Variants in DPYD observed in about 807,000 individuals in gnomAD.
The protein encoded by DPYD is dihydropyrimidine dehydrogenase.
DPYD carries 109 observed loss-of-function variants against 116.2 expected under a neutral mutation model. The observed-to-expected ratio is 0.94, with a 90% confidence interval of 0.80 to 1.10. The LOEUF is 1.10. Among genes scored for constraint, DPYD ranks in the 50% least tolerant of loss-of-function variants. The pLI is 0.00. For synonymous variants in DPYD, 440 were observed against 432.0 expected (o/e 1.02, Z -0.23); for missense variants, 1,302 against 1,254.5 (o/e 1.04, Z -0.57).
intron 5 of DPYD, among the ~76,000 whole-genome samples, chr1:97,704,063 C>T (rs1352406216): frequency 2.6e-5 from 4 of 152,040 alleles, no homozygotes; most frequent in Non-Finnish European, 5.9e-5. Flanking sequence ...ATAAGTTACA[C>T]TTTCCAACTT....
chr1:97,841,445 A>G (rs555990745), intron 2 of DPYD, among the ~76,000 whole-genome samples: 1 of 152,094 alleles, frequency 6.6e-6, no homozygotes, highest in African/African-American at 2.4e-5. Flanking sequence ...GAAATATTGC[A>G]CTGTACTGCT....
At chr1:97,656,349 C>T (rs893125669) in intron 8 of DPYD, among the ~76,000 whole-genome samples, 31 of 152,266 alleles carry the variant, frequency 2.0e-4, no homozygotes, top group African/African-American at 7.2e-4. Flanking sequence ...AATTCTCAAG[C>T]TACTCAAGAT....
chr1:97,165,799 G>A lies in DPYD; in HGVS notation c.2622+27270C>T, dbSNP rs140532722. 4.0e-3 allele frequency among the ~76,000 whole-genome samples: 611 copies of A among 152,172 alleles called. 8 individuals are homozygous for A. In the Middle Eastern group the frequency reaches 0.061, roughly 15 times the overall value. Reference sequence around the variant, plus strand: ...CTTCACAAAAGAAGACACACATGTGGCCAACAAGTATATGAAAACAAAGCT... The same window carrying A: ...CTTCACAAAAGAAGACACACATGTGACCAACAAGTATATGAAAACAAAGCT... On this transcript the variant is annotated intron_variant, in intron 20 of 22. Coordinates refer to ENST00000370192, the MANE Select transcript of DPYD (RefSeq NM_000110.4).
At position 97,575,165 on chromosome 1, in the gene DPYD, G is replaced by A. The variant is rs992454785; in HGVS notation, c.1129-1195C>T. 5.3e-5 allele frequency among the ~76,000 whole-genome samples: 8 copies of A among 152,150 alleles called. 1 individual carries two copies. Among genetic ancestry groups the A allele is most frequent in the Admixed American group, 4.6e-4 (7 of 15,266 alleles). ...TAACAAATGCCTAAGGTGATGCTATGCTTCTAGTGCACAGATGATACTTTG... is the reference window on the plus strand; with the variant it reads ...TAACAAATGCCTAAGGTGATGCTATACTTCTAGTGCACAGATGATACTTTG... On this transcript the variant is annotated intron_variant, in intron 10 of 22. Transcript: ENST00000370192.
chr1:97,162,583 C>T (rs577974286), intron 20 of DPYD, among the ~76,000 whole-genome samples: 1 of 152,148 alleles, frequency 6.6e-6, no homozygotes, highest in East Asian at 1.9e-4. Context: ...TCAATGCCAT[C>T]CCCATCAAGC....
At chr1:97,224,972 A>T (rs553709403) in intron 19 of DPYD, among the ~76,000 whole-genome samples, 78 of 151,696 alleles carry the variant, frequency 5.1e-4, no homozygotes, top group Non-Finnish European at 1.0e-3. Flanking sequence ...AGAATATGGG[A>T]GTACAGATCT....
intron 20 of DPYD, among the ~76,000 whole-genome samples, chr1:97,174,148 G>T (rs986735522): frequency 6.6e-6 from 1 of 152,044 alleles, no homozygotes; most frequent in African/African-American, 2.4e-5. Context: ...TAGGTAGGAC[G>T]TTAGGGCAAA....
chr1:97,827,269 C>T (rs560105866), intron 3 of DPYD, among the ~76,000 whole-genome samples: 3 of 151,794 alleles, frequency 2.0e-5, no homozygotes, highest in South Asian at 2.1e-4. Context: ...TAGAAGAAGG[C>T]GTATTTTAAA....
At chr1:97,682,541 A>G (rs1047661986) in intron 7 of DPYD, among the ~76,000 whole-genome samples, 35 of 152,140 alleles carry the variant, frequency 2.3e-4, no homozygotes, top group African/African-American at 8.4e-4. Flanking sequence ...CTTGACAACA[A>G]AAGTAAAGCT....
chr1:97,748,470 G>A (rs371308666), intron 3 of DPYD, among the ~76,000 whole-genome samples: 6 of 152,032 alleles, frequency 3.9e-5, no homozygotes, highest in Admixed American at 2.0e-4. Context: ...TTAGCCAGGC[G>A]TGGTGGCACG....
intron 1 of DPYD, among the ~76,000 whole-genome samples, chr1:97,900,781 C>T (rs1187023451): frequency 6.6e-6 from 1 of 151,726 alleles, no homozygotes; most frequent in Non-Finnish European, 1.5e-5. Flanking sequence ...GCACACAACT[C>T]CCTCCCCAAA....
chr1:97,278,477 C>T (rs1665098983), intron 18 of DPYD, among the ~76,000 whole-genome samples: 1 of 152,138 alleles, frequency 6.6e-6, no homozygotes, highest in South Asian at 2.1e-4. Flanking sequence ...CATGACTAAG[C>T]TGTGATAGTT....
At chr1:97,693,843 A>T (rs998445828) in intron 6 of DPYD, among the ~76,000 whole-genome samples, 5 of 152,214 alleles carry the variant, frequency 3.3e-5, no homozygotes, top group African/African-American at 1.2e-4. Context: ...AAGTAGAAGC[A>T]CATGGAATAA....
intron 18 of DPYD, among the ~76,000 whole-genome samples, chr1:97,260,984 G>T (rs1026523892): frequency 6.6e-6 from 1 of 152,060 alleles, no homozygotes. Flanking sequence ...TTCAAAGAAG[G>T]CATGCAAGTG....
chr1:97,793,338 G>T (rs1465599016), intron 3 of DPYD, among the ~76,000 whole-genome samples: 1 of 152,156 alleles, frequency 6.6e-6, no homozygotes, highest in African/African-American at 2.4e-5. Context: ...CCTAGCAGAT[G>T]CTTTTAGTAA....
intron 20 of DPYD, among the ~76,000 whole-genome samples, chr1:97,160,398 A>G (rs1205578376): frequency 1.3e-5 from 2 of 151,996 alleles, no homozygotes; most frequent in Non-Finnish European, 2.9e-5. Flanking sequence ...CTAAACTAAC[A>G]CTGTATCTTT....
intron 5 of DPYD, among the ~76,000 whole-genome samples, chr1:97,721,218 A>T (rs1662906694): frequency 6.6e-6 from 1 of 151,786 alleles, no homozygotes; most frequent in Non-Finnish European, 1.5e-5. Flanking sequence ...CCATACTTCC[A>T]CATAAAGTTA....
intron 3 of DPYD, among the ~76,000 whole-genome samples, chr1:97,777,940 C>T (rs140732171): frequency 1.7e-3 from 263 of 151,814 alleles, no homozygotes; most frequent in African/African-American, 5.8e-3. Context: ...GGCAGATCAC[C>T]TGAGGTCAGG....
intron 12 of DPYD, among the ~76,000 whole-genome samples, chr1:97,526,956 A>C (rs1311338994): frequency 1.3e-5 from 2 of 152,218 alleles, no homozygotes. Context: ...TCTCCTATTG[A>C]AGATGAGGAA....
Sources: allele counts gnomAD v4.1 joint callset (sites outside exome capture counted in the v4.1 genomes callset), GRCh38; gene constraint gnomAD v4.1.1; transcripts MANE v1.5; gene names NCBI Gene and HGNC (gene_info 2026-07-23, HGNC 2026-07-21).